The following SYNPR variants were observed in gnomAD, a reference collection of about 807,000 sequenced individuals.
SYNPR encodes the protein synaptoporin.
In SYNPR, 23 loss-of-function variants were observed where a neutral mutation model predicts 32.9. The ratio of observed to expected loss-of-function variants is 0.70; its 90% CI spans 0.50 to 0.99. The LOEUF (loss-of-function observed/expected upper bound fraction) is 0.99. Among genes scored for constraint, SYNPR ranks in the 50% least tolerant of loss-of-function variants. The pLI, the probability that SYNPR is intolerant of heterozygous loss-of-function variation, is 0.00. For missense variants in SYNPR, 318 were observed against 349.3 expected (o/e 0.91, Z 0.71); for synonymous variants, 146 against 135.9 (o/e 1.07, Z -0.52).
intron 3 of SYNPR, among the ~76,000 whole-genome samples, chr3:63,500,345 A>C (rs1314722247): frequency 2.0e-5 from 3 of 152,150 alleles, no homozygotes; most frequent in Non-Finnish European, 4.4e-5. Flanking sequence ...TAGAGAAAAA[A>C]GAGCTGAATC....
intron 4 of SYNPR, among the ~76,000 whole-genome samples, chr3:63,566,408 T>A (rs1223273740): frequency 6.6e-6 from 1 of 152,196 alleles, no homozygotes; most frequent in Non-Finnish European, 1.5e-5. Flanking sequence ...CAAAATTTCA[T>A]GTTATGTTTC....
At chr3:63,246,191 T>C (rs530693557) in intron 1 of SYNPR, among the ~76,000 whole-genome samples, 1 of 152,204 alleles carries the variant, frequency 6.6e-6, no homozygotes, top group African/African-American at 2.4e-5. Context: ...TTGCATGCTT[T>C]AATAGCAGGC....
At chr3:63,493,132 G>C (rs1299333211) in intron 3 of SYNPR, among the ~76,000 whole-genome samples, 2 of 152,042 alleles carry the variant, frequency 1.3e-5, no homozygotes, top group South Asian at 4.1e-4. Context: ...TATACCTTAT[G>C]GGGTCAAGCT....
chr3:63,563,437 T>G (rs189639451), intron 4 of SYNPR, among the ~76,000 whole-genome samples: 2 of 152,138 alleles, frequency 1.3e-5, no homozygotes, highest in Admixed American at 1.3e-4. Context: ...AGCTACACCT[T>G]TGTTTGAGTA....
intron 2 of SYNPR, among the ~76,000 whole-genome samples, chr3:63,474,563 G>A (rs962189891): frequency 2.6e-5 from 4 of 152,088 alleles, no homozygotes; most frequent in Admixed American, 6.5e-5. Context: ...GAGTTGTGTA[G>A]ATCTCCTCCT....
intron 2 of SYNPR, among the ~76,000 whole-genome samples, chr3:63,417,994 C>A (rs1410386628): frequency 1.3e-5 from 2 of 152,240 alleles, no homozygotes; most frequent in Non-Finnish European, 2.9e-5. Context: ...ATGCAAATTT[C>A]TGCAGCTGGC....
chr3:63,525,177 T>A (rs1354658827), intron 3 of SYNPR, among the ~76,000 whole-genome samples: 1 of 152,194 alleles, frequency 6.6e-6, no homozygotes, highest in Non-Finnish European at 1.5e-5. Flanking sequence ...TCCATGTATG[T>A]ATATCACATC....
At chr3:63,557,683 A>G (rs1372928064) in intron 4 of SYNPR, among the ~76,000 whole-genome samples, 2 of 152,218 alleles carry the variant, frequency 1.3e-5, no homozygotes, top group Non-Finnish European at 2.9e-5. Flanking sequence ...ACATGTTACT[A>G]TGCGATGTGG....
intron 2 of SYNPR, among the ~76,000 whole-genome samples, chr3:63,409,323 A>T (rs2088430847): frequency 6.6e-6 from 1 of 152,112 alleles, no homozygotes; most frequent in African/African-American, 2.4e-5. Flanking sequence ...TAACTACATC[A>T]GTTCTCCTTG....
intron 4 of SYNPR, among the ~76,000 whole-genome samples, chr3:63,607,641 T>C (rs1378868832): frequency 3.3e-5 from 5 of 152,212 alleles, no homozygotes; most frequent in Non-Finnish European, 5.9e-5. Context: ...GGGTCACACA[T>C]TGGCCCTTAG....
intron 2 of SYNPR, among the ~76,000 whole-genome samples, chr3:63,383,683 A>G (rs566514484): frequency 3.8e-4 from 58 of 152,320 alleles, no homozygotes; most frequent in South Asian, 3.5e-3. Flanking sequence ...CAGGAGCTAC[A>G]CTAATGGAAC....
intron 2 of SYNPR, among the ~76,000 whole-genome samples, chr3:63,414,713 T>C (rs1412587167): frequency 2.6e-5 from 4 of 152,216 alleles, no homozygotes; most frequent in Admixed American, 2.6e-4. Context: ...GAGGAGAATA[T>C]GTAAGTCTCA....
chr3:63,559,543 G>C (rs1702649065), intron 4 of SYNPR, among the ~76,000 whole-genome samples: 1 of 152,094 alleles, frequency 6.6e-6, no homozygotes, highest in Non-Finnish European at 1.5e-5. Context: ...ATAGAGATCT[G>C]AACCTTAAAA....
intron 2 of SYNPR, among the ~76,000 whole-genome samples, chr3:63,451,635 C>T (rs1700381860): frequency 1.3e-5 from 2 of 152,066 alleles, no homozygotes; most frequent in Admixed American, 6.6e-5. Context: ...CCTTGCCCAT[C>T]AGTTTCTAAC....
chr3:63,507,378 G>GAA (rs71743220), intron 3 of SYNPR, among the ~76,000 whole-genome samples: 6 of 151,638 alleles, frequency 4.0e-5, no homozygotes, highest in African/African-American at 9.7e-5. Context: ...CTAATAATGG[G>GAA]AAAAAAAATC....
intron 3 of SYNPR, among the ~76,000 whole-genome samples, chr3:63,529,380 T>A (rs773723441): frequency 6.6e-6 from 1 of 152,244 alleles, no homozygotes; most frequent in Non-Finnish European, 1.5e-5. Context: ...TATTTCTAAA[T>A]TGGGGTGGGT....
At chr3:63,536,499 A>G (rs1305301548) in intron 3 of SYNPR, among the ~76,000 whole-genome samples, 1 of 152,174 alleles carries the variant, frequency 6.6e-6, no homozygotes, top group Non-Finnish European at 1.5e-5. Flanking sequence ...TTTCTCTTAC[A>G]TTGCTAGTGG....
chr3:63,339,641 T>G (rs2087337995), intron 2 of SYNPR, among the ~76,000 whole-genome samples: 2 of 151,472 alleles, frequency 1.3e-5, no homozygotes, highest in Non-Finnish European at 2.9e-5. Flanking sequence ...AAAGAATAGC[T>G]CCATAAAAAT....
the SYNPR span, among the ~76,000 whole-genome samples, chr3:63,203,011 G>T: frequency 5.5e-4 from 77 of 140,682 alleles, no homozygotes; most frequent in Non-Finnish European, 1.5e-4. Context: ...AGCTATTTTG[G>T]TTCTTTGTTT....
Sources: gnomAD v4.1 joint callset for allele counts (sites outside exome capture counted in the v4.1 genomes callset) on GRCh38, gnomAD v4.1.1 for gene constraint, MANE v1.5 for transcripts, NCBI Gene and HGNC (gene_info 2026-07-23, HGNC 2026-07-21) for gene names.